TRABD2B: variants seen among roughly 807,000 people sequenced by gnomAD.
TRABD2B encodes metalloprotease TIKI2.
Under a neutral mutation model 40.1 loss-of-function variants are expected in TRABD2B, and 14 were observed. That is an observed-to-expected ratio of 0.35 (90% CI 0.23 to 0.55). The LOEUF (loss-of-function observed/expected upper bound fraction) is 0.55, where lower values mean the gene tolerates loss of function less well. Among genes scored for constraint, TRABD2B ranks in the 20% least tolerant of loss-of-function variants. The probability of loss-of-function intolerance (pLI) is 0.90; values close to 1 mark genes in which losing one functional copy is unlikely to be tolerated. For missense variants in TRABD2B, 541 were observed against 648.6 expected, an observed-to-expected ratio of 0.83 and a Z score of 1.80; for synonymous variants, 263 against 277.0, an observed-to-expected ratio of 0.95 and a Z score of 0.50.
At chr1:47,955,792 T>G (rs537288876) in intron 2 of TRABD2B, among the ~76,000 whole-genome samples, 1 of 152,166 alleles carries the variant, frequency 6.6e-6, no homozygotes, top group Non-Finnish European at 1.5e-5. Context: ...CTGACTGTGC[T>G]CATGTGGTCC....
At chr1:47,897,095 G>A (rs1158734303) in intron 2 of TRABD2B, among the ~76,000 whole-genome samples, 1 of 152,184 alleles carries the variant, frequency 6.6e-6, no homozygotes, top group Non-Finnish European at 1.5e-5. Context: ...TAGATGACAG[G>A]AAGTGTTATG....
chr1:47,895,257 C>G (rs1196099142), intron 2 of TRABD2B, among the ~76,000 whole-genome samples: 2 of 152,096 alleles, frequency 1.3e-5, no homozygotes, highest in Non-Finnish European at 2.9e-5. Flanking sequence ...CTCGCCCCAC[C>G]CCCCAGCCAG....
At chr1:47,984,796 C>G (rs1404341123) in intron 2 of TRABD2B, among the ~76,000 whole-genome samples, 1 of 152,092 alleles carries the variant, frequency 6.6e-6, no homozygotes, top group Non-Finnish European at 1.5e-5. Context: ...CTCTTCTGTA[C>G]TCCCACAACA....
intron 2 of TRABD2B, among the ~76,000 whole-genome samples, chr1:47,861,515 T>G (rs1381332223): frequency 1.3e-5 from 2 of 152,170 alleles, no homozygotes; most frequent in African/African-American, 4.8e-5. Flanking sequence ...ATAACCTAGA[T>G]AAAATGGGCC....
At chr1:47,824,212 C>T (rs1397712821) in intron 2 of TRABD2B, among the ~76,000 whole-genome samples, 1 of 152,166 alleles carries the variant, frequency 6.6e-6, no homozygotes, top group African/African-American at 2.4e-5. Context: ...GTCCTCTTTC[C>T]TCACTCCTTT....
chr1:47,955,464 C>T (rs1645406112), intron 2 of TRABD2B, among the ~76,000 whole-genome samples: 1 of 152,214 alleles, frequency 6.6e-6, no homozygotes, highest in African/African-American at 2.4e-5. Context: ...CTCTTCACCA[C>T]CAGCTCAGCC....
Position 47,994,678 on chromosome 1 carries a change from A to T in TRABD2B, c.103-81T>A. On this transcript the variant is annotated intron_variant, in intron 1 of 6. Transcript: ENST00000606738. This position sits in a 1 kb window ranked among gnomAD's most constrained non-coding sequence, Gnocchi z 6.7. The stretch of plus-strand genomic sequence containing the variant: ...AGGGTAGCCCAGAGGCACGTTGCAG[A>T]GGGAGGTGGGGATGGGAGGCAGAGA... 7.6e-7 allele frequency: 1 copy of T among 1,315,526 alleles called. No individual in the cohort carries two copies. Among genetic ancestry groups the T allele is most frequent in the Non-Finnish European group, 1.0e-6 (1 of 972,796 alleles). The allele number at this position is 1,315,526 out of a possible 1,614,324, so 81.5% of individuals were successfully genotyped here. A position where few individuals can be genotyped will look rare whatever the true frequency, so the allele number is the denominator to read the frequency against.
At chr1:47,855,698 GC>G (rs1643883416) in intron 2 of TRABD2B, among the ~76,000 whole-genome samples, 1 of 152,228 alleles carries the variant, frequency 6.6e-6, no homozygotes, top group African/African-American at 2.4e-5. Flanking sequence ...GGAGATGGGG[GC>G]TTTGGGAGGT....
chr1:47,894,373 C>T (rs1276514257), intron 2 of TRABD2B, among the ~76,000 whole-genome samples: 4 of 152,326 alleles, frequency 2.6e-5, no homozygotes, highest in Middle Eastern at 3.4e-3. Flanking sequence ...GTGCTTTGAA[C>T]AGTGCTTGAC....
Position 47,994,687 on chromosome 1 carries a change from G to C in TRABD2B, c.103-90C>G. 8.4e-7 allele frequency: 1 copy of C among 1,188,384 alleles called. No homozygotes were observed. Among genetic ancestry groups the C allele is most frequent in the Admixed American group, 2.3e-5 (1 of 42,750 alleles). The allele number at this position is 1,188,384 out of a possible 1,614,324, so 73.6% of individuals were successfully genotyped here. ...CAGAGGCACGTTGCAGAGGGAGGTG[G>C]GGATGGGAGGCAGAGACCATACACA... On this transcript the variant is annotated intron_variant, in intron 1 of 6. Transcript: ENST00000606738. The surrounding 1 kb of genome is among the most constrained non-coding windows in gnomAD (Gnocchi z 6.7).
chr1:47,787,007 C>A (rs1472973693), intron 4 of TRABD2B, among the ~76,000 whole-genome samples: 1 of 152,116 alleles, frequency 6.6e-6, no homozygotes, highest in Non-Finnish European at 1.5e-5. Context: ...GACTGGCCTG[C>A]CTCTTGTTTC....
At chr1:47,991,834 T>C (rs1276744574) in intron 2 of TRABD2B, among the ~76,000 whole-genome samples, 4 of 152,176 alleles carry the variant, frequency 2.6e-5, no homozygotes, top group Admixed American at 6.5e-5. Context: ...ATCACAGATG[T>C]TCATATCAAA....
At chr1:47,839,188 G>A (rs1014607104) in intron 2 of TRABD2B, among the ~76,000 whole-genome samples, 1 of 152,110 alleles carries the variant, frequency 6.6e-6, no homozygotes, top group African/African-American at 2.4e-5. Flanking sequence ...TACCCGAGAG[G>A]TCACAACCCC....
intron 2 of TRABD2B, among the ~76,000 whole-genome samples, chr1:47,972,804 C>G (rs937044038): frequency 6.6e-6 from 1 of 152,154 alleles, no homozygotes; most frequent in Admixed American, 6.5e-5. Context: ...TAACAGAAAC[C>G]CCAAAGACAT....
intron 5 of TRABD2B, among the ~76,000 whole-genome samples, chr1:47,776,317 G>A (rs542779838): frequency 2.0e-5 from 3 of 152,286 alleles, no homozygotes; most frequent in Admixed American, 6.5e-5. Flanking sequence ...CTTGCAAGCC[G>A]TGTGATGAAG....
intron 4 of TRABD2B, among the ~76,000 whole-genome samples, chr1:47,779,203 C>G (rs964363119): frequency 1.3e-5 from 2 of 152,050 alleles, no homozygotes; most frequent in Non-Finnish European, 2.9e-5. Flanking sequence ...GGAGAACGCA[C>G]TATGGGCCAG....
At chr1:47,880,415 TA>T (rs1292197897) in intron 2 of TRABD2B, among the ~76,000 whole-genome samples, 1 of 152,258 alleles carries the variant, frequency 6.6e-6, no homozygotes, top group Non-Finnish European at 1.5e-5. Flanking sequence ...TGAAGGTTTT[TA>T]TTTTTATTTT....
chr1:47,839,843 C>T (rs535718443), intron 2 of TRABD2B, among the ~76,000 whole-genome samples: 1 of 152,274 alleles, frequency 6.6e-6, no homozygotes, highest in South Asian at 2.1e-4. Context: ...AAAGCAGAAC[C>T]CCTGGCTACC....
intron 2 of TRABD2B, among the ~76,000 whole-genome samples, chr1:47,921,269 G>A (rs1262428068): frequency 2.6e-5 from 4 of 152,194 alleles, no homozygotes; most frequent in Non-Finnish European, 4.4e-5. Context: ...AAGTGGAGAC[G>A]TTTTCTGGGC....
Sources: allele counts gnomAD v4.1 joint callset (sites outside exome capture counted in the v4.1 genomes callset), GRCh38; gene constraint gnomAD v4.1.1; non-coding constraint Gnocchi (gnomAD v3.1); transcripts MANE v1.5; gene names NCBI Gene and HGNC (gene_info 2026-07-23, HGNC 2026-07-21).